Variants in PDE4C observed in about 807,000 individuals in gnomAD.
The protein encoded by PDE4C is phosphodiesterase 4C, also known as 3',5'-cyclic-AMP phosphodiesterase 4C.
A neutral mutation model predicts 63.9 loss-of-function variants in PDE4C; 50 were observed. That is an observed-to-expected ratio of 0.78 (90% CI 0.62 to 0.99). PDE4C has a LOEUF of 0.99. Among genes scored for constraint, PDE4C ranks in the 50% least tolerant of loss-of-function variants. The pLI is 0.00. For missense variants in PDE4C, 777 were observed against 899.1 expected (o/e 0.86, Z 1.74); for synonymous variants, 377 against 385.1 (o/e 0.98, Z 0.25).
Position 18,218,246 on chromosome 19 carries a change from A to G in PDE4C, c.1137T>C (p.Ala379=), listed in dbSNP as rs1236465735. Residue 379 remains alanine, a splice_region_variant and synonymous_variant, in exon 11 of 15, where the codon GCT becomes GCC. Coordinates refer to ENST00000262805, the Ensembl canonical transcript of PDE4C. ...CCAGGATTTCCAAGTCTGTGAACAC[A>G]GCCTGAGCAGGCAGAGGGCACAGGC... 4 of 1,614,038 alleles carry G rather than the reference A, an allele frequency of 2.5e-6. No individual in the cohort carries two copies. The African/African-American group carries it at 5.3e-5, about 22-fold the overall frequency.
chr19:18,219,763 G>T, intron 7 of PDE4C: 1 of 232,834 alleles, frequency 4.3e-6, no homozygotes, highest in East Asian at 1.1e-4. Context: ...GGCGGAGGTT[G>T]CAGTGGCTGA....
At chr19:18,243,907 T>G (rs943100432) in intron 1 of PDE4C, among the ~76,000 whole-genome samples, 1 of 152,166 alleles carries the variant, frequency 6.6e-6, no homozygotes, top group African/African-American at 2.4e-5. Context: ...CAGGCTGGAG[T>G]GCAGTGGTGC....
At chr19:18,252,614 CTCTTTTTTTTTT>C (rs1568272505), upstream of PDE4C, 1 of 378,984 alleles carries the variant, frequency 2.6e-6, no homozygotes, top group African/African-American at 2.4e-5. Flanking sequence ...CTTTCTCTCT[CTCTTTTTTTTTT>C]TCTTTTTTTG....
chr19:18,221,029 C>A, intron 4 of PDE4C, 76 bp downstream of exon 4: 2 of 1,119,450 alleles, frequency 1.8e-6, no homozygotes, highest in South Asian at 2.9e-5. Flanking sequence ...GGAGCCCCAG[C>A]CTCAATTTGC....
chr19:18,221,081 CGCCCCG>C lies in PDE4C; in HGVS notation c.449+18_449+23del. ...ACCTTGTCTCTGCCGGCCCCGCCCC[CGCCCCG>C]CCCCGCCCTCTACCTACTTGGCTGC... On this transcript the variant is annotated intron_variant, in intron 4 of 14. Coordinates refer to ENST00000262805, the Ensembl canonical transcript of PDE4C. The C allele has an allele frequency of 9.3e-7, 1 of 1,075,892 alleles. No homozygotes were observed. The highest frequency in any genetic ancestry group is 1.3e-6 in the Non-Finnish European group (1 of 789,588). The allele number at this position is 1,075,892 out of a possible 1,614,324, so 66.6% of individuals were successfully genotyped here.
At chr19:18,229,804 T>C (rs959973490), upstream of PDE4C, among the ~76,000 whole-genome samples, 1 of 151,980 alleles carries the variant, frequency 6.6e-6, no homozygotes, top group Non-Finnish European at 1.5e-5. Context: ...ACACACTCCT[T>C]TGCTGCAGAC....
chr19:18,221,055 C>CCCCCCCCCCCCCCCCCCCCCCAGTGG, intron 4 of PDE4C, 50 bp downstream of exon 4: 1 of 763,412 alleles, frequency 1.3e-6, no homozygotes, highest in Non-Finnish European at 1.8e-6. Context: ...GCTTTCCGCC[C>CCCCCCCCCCCCCCCCCCCCCCAGTGG]ACCTTGTCTC....
At chr19:18,213,487 G>C (rs773268047) in exon 13 of PDE4C, 1 of 1,610,642 alleles carries the variant, frequency 6.2e-7, no homozygotes, top group Non-Finnish European at 8.5e-7. Flanking sequence ...TCTGTGGCCA[G>C]CACCTGGGGG....
At chr19:18,240,089 G>A (rs867598407) in intron 1 of PDE4C, among the ~76,000 whole-genome samples, 26 of 151,402 alleles carry the variant, frequency 1.7e-4, no homozygotes, top group Admixed American at 6.6e-4. Context: ...TCAGCCTCCC[G>A]AGTAGCTGGG....
intron 2 of PDE4C, 88 bp from the exon 3 acceptor site, chr19:18,221,385 C>A (rs1968479272): frequency 2.3e-6 from 3 of 1,326,852 alleles, no homozygotes; most frequent in South Asian, 1.4e-5. Flanking sequence ...GGGGGTCCTG[C>A]TCTCAGGACT....
intron 1 of PDE4C, among the ~76,000 whole-genome samples, chr19:18,239,758 G>T (rs562909025): frequency 6.6e-6 from 1 of 152,102 alleles, no homozygotes; most frequent in Admixed American, 6.5e-5. Flanking sequence ...AGGCGCGGTG[G>T]CTCACGCCTG....
At chr19:18,213,144 C>T (rs1968035563) in intron 13 of PDE4C, among the ~76,000 whole-genome samples, 1 of 151,310 alleles carries the variant, frequency 6.6e-6, no homozygotes, top group Non-Finnish European at 1.5e-5. Context: ...ATTAGCTGGG[C>T]GCGGTGCCGG....
At position 18,218,603 on chromosome 19, in the gene PDE4C, T is replaced by C; in HGVS notation, c.970-105A>G. On this transcript the variant is annotated intron_variant, in intron 9 of 14. Coordinates refer to ENST00000262805, the Ensembl canonical transcript of PDE4C. ...TCCTATCTATGCCTCAAGCACCTGC[T>C]CCTCTGAGATGCCCTCTGTGCTCTC... The C allele has an allele frequency of 4.8e-6, 6 of 1,254,466 alleles. No homozygotes were observed. In the South Asian group the frequency reaches 5.3e-5, roughly 11 times the overall value. 77.7% of individuals were successfully genotyped at this position (1,254,466 alleles called of 1,614,324 possible).
intron 4 of PDE4C, 50 bp downstream of exon 4, chr19:18,221,055 C>G: frequency 1.3e-6 from 1 of 763,412 alleles, no homozygotes; most frequent in Non-Finnish European, 1.8e-6. Context: ...GCTTTCCGCC[C>G]ACCTTGTCTC....
At chr19:18,214,570 G>T (rs994203051) in intron 12 of PDE4C, among the ~76,000 whole-genome samples, 1 of 152,142 alleles carries the variant, frequency 6.6e-6, no homozygotes, top group Non-Finnish European at 1.5e-5. Flanking sequence ...TCACTGTGGG[G>T]AGGGATGTGA....
intron 1 of PDE4C, chr19:18,232,905 C>T (rs2148054369): frequency 7.1e-7 from 1 of 1,416,410 alleles, no homozygotes; most frequent in Non-Finnish European, 9.2e-7. Flanking sequence ...AGGCCCCGCG[C>T]GCCCCTCCCC....
chr19:18,241,140 G>A (rs1052125074), intron 1 of PDE4C, among the ~76,000 whole-genome samples: 11 of 152,148 alleles, frequency 7.2e-5, no homozygotes, highest in African/African-American at 1.4e-4. Context: ...AGGGTGTGTC[G>A]GGAATGAAGA....
chr19:18,220,816 T>C lies in PDE4C; in HGVS notation c.499+58A>G, dbSNP rs561317394. 7.3e-5 allele frequency: 111 copies of C among 1,531,002 alleles called. No individual in the cohort carries two copies. The African/African-American group carries it at 1.4e-3, about 20-fold the overall frequency. The allele number at this position is 1,531,002 out of a possible 1,614,324, so 94.8% of individuals were successfully genotyped here. On this transcript the variant is annotated intron_variant, in intron 5 of 14. Transcript: ENST00000262805. The surrounding 1 kb of genome is among the most constrained non-coding windows in gnomAD (Gnocchi z 5.1). ...GGGGCTCATGGACTGGGGAGGTCAC[T>C]ATGGAAAGGAAGCTCCCAGCTGTCC...
chr19:18,252,616 CT>C (rs34071282), upstream of PDE4C: 3,434 of 286,526 alleles, frequency 0.012, no homozygotes, highest in East Asian at 0.015. Context: ...TTCTCTCTCT[CT>C]TTTTTTTTTT....
Sources: gnomAD v4.1 joint callset for allele counts (sites outside exome capture counted in the v4.1 genomes callset) on GRCh38, gnomAD v4.1.1 for gene constraint, Gnocchi (gnomAD v3.1) non-coding constraint, MANE v1.5 for transcripts, NCBI Gene and HGNC (gene_info 2026-07-23, HGNC 2026-07-21) for gene names.